GALM: variants seen among roughly 807,000 people sequenced by gnomAD.
GALM encodes aldose 1-epimerase.
In GALM, 43 loss-of-function variants were observed where a neutral mutation model predicts 37.4. The ratio of observed to expected loss-of-function variants is 1.15; its 90% CI spans 0.90 to 1.48. GALM has a LOEUF of 1.48. Ranked by LOEUF, GALM falls within the 40% of genes most tolerant of loss-of-function variation. GALM has a pLI of 0.00. For synonymous variants in GALM, 199 were observed against 170.6 expected (o/e 1.17, Z -1.30); for missense variants, 456 against 419.1 (o/e 1.09, Z -0.77).
chr2:38,733,409 C>T, intron 6 of GALM, 79 bp from the exon 7 acceptor site: 1 of 1,169,110 alleles, frequency 8.6e-7, no homozygotes, highest in Admixed American at 1.7e-5. Flanking sequence ...GGTCTAGAAG[C>T]CCGTCCAGAA....
At chr2:38,728,946 C>A (rs898655971) in intron 4 of GALM, among the ~76,000 whole-genome samples, 1 of 152,148 alleles carries the variant, frequency 6.6e-6, no homozygotes, top group African/African-American at 2.4e-5. Context: ...CTGCTCAGAA[C>A]CTGTACTTGA....
chr2:38,717,306 AGTGTGTGTGTGTGTGTGT>A (rs56902027), intron 4 of GALM, among the ~76,000 whole-genome samples: 2 of 143,652 alleles, frequency 1.4e-5, no homozygotes, highest in South Asian at 4.5e-4. Context: ...GTATTAAGGG[AGTGTGTGTGTGTGTGTGT>A]GTGTGTGTGT....
At chr2:38,688,469 C>A (rs1165829750) in intron 3 of GALM, among the ~76,000 whole-genome samples, 1 of 151,884 alleles carries the variant, frequency 6.6e-6, no homozygotes, top group Non-Finnish European at 1.5e-5. Context: ...CGAGATCGCG[C>A]CATTGCATTC....
At chr2:38,725,823 T>C (rs1299469989) in intron 4 of GALM, among the ~76,000 whole-genome samples, 1 of 152,086 alleles carries the variant, frequency 6.6e-6, no homozygotes, top group African/African-American at 2.4e-5. Flanking sequence ...GCGATTCTTG[T>C]GCCTCAGTCT....
At chr2:38,730,696 A>G (rs1666589783) in intron 5 of GALM, among the ~76,000 whole-genome samples, 1 of 151,968 alleles carries the variant, frequency 6.6e-6, no homozygotes, top group Admixed American at 6.6e-5. Flanking sequence ...TGAGGTGGGC[A>G]GATCACTTGA....
chr2:38,712,630 G>A (rs2148449852), intron 4 of GALM, among the ~76,000 whole-genome samples: 1 of 152,294 alleles, frequency 6.6e-6, no homozygotes, highest in Non-Finnish European at 1.5e-5. Flanking sequence ...CTAGGAGACT[G>A]TCCCTGGGCT....
intron 4 of GALM, among the ~76,000 whole-genome samples, chr2:38,725,710 T>TTTTG (rs1666472851): frequency 6.6e-6 from 1 of 152,104 alleles, no homozygotes; most frequent in African/African-American, 2.4e-5. Context: ...TCTTTTCTTT[T>TTTTG]TTTTGTTTTG....
chr2:38,711,158 T>G (rs991080723), intron 4 of GALM, among the ~76,000 whole-genome samples: 12 of 141,648 alleles, frequency 8.5e-5, no homozygotes, highest in African/African-American at 3.0e-4. Context: ...TCATTACAGA[T>G]AGCCTTTTTT....
chr2:38,686,699 G>T (rs373124226), intron 3 of GALM, among the ~76,000 whole-genome samples: 3 of 152,272 alleles, frequency 2.0e-5, no homozygotes, highest in African/African-American at 7.2e-5. Context: ...CAATACAAAG[G>T]AATATAACAT....
chr2:38,714,375 C>T (rs554823405), intron 4 of GALM, among the ~76,000 whole-genome samples: 4 of 152,100 alleles, frequency 2.6e-5, no homozygotes, highest in Admixed American at 6.6e-5. Context: ...CCACCACACT[C>T]GGCTAATTTT....
intron 4 of GALM, among the ~76,000 whole-genome samples, chr2:38,702,253 T>G (rs1354805699): frequency 6.6e-6 from 1 of 152,160 alleles, no homozygotes. Flanking sequence ...AATCTTACTT[T>G]GATAATCTCC....
At chr2:38,722,856 G>A (rs1328700492) in intron 4 of GALM, among the ~76,000 whole-genome samples, 1 of 152,220 alleles carries the variant, frequency 6.6e-6, no homozygotes, top group Non-Finnish European at 1.5e-5. Flanking sequence ...AGAGGGAGGT[G>A]GAAAGTGCCT....
intron 4 of GALM, among the ~76,000 whole-genome samples, chr2:38,701,422 G>C (rs1417866684): frequency 6.6e-6 from 1 of 152,018 alleles, no homozygotes; most frequent in African/African-American, 2.4e-5. Context: ...GCTTTGACTA[G>C]GTCTTTTGCC....
chr2:38,732,132 C>T (rs929537038), intron 6 of GALM, among the ~76,000 whole-genome samples: 2 of 152,198 alleles, frequency 1.3e-5, no homozygotes, highest in Non-Finnish European at 2.9e-5. Context: ...TCTCAGCTCA[C>T]TGCAACCTCC....
At chr2:38,667,640 T>C (rs935800207) in intron 1 of GALM, among the ~76,000 whole-genome samples, 2 of 150,696 alleles carry the variant, frequency 1.3e-5, no homozygotes, top group African/African-American at 4.9e-5. Context: ...AACACCACCA[T>C]GCCCGGCTAA....
intron 1 of GALM, chr2:38,669,026 A>C (rs932141524): frequency 1.4e-5 from 2 of 147,246 alleles, no homozygotes; most frequent in Non-Finnish European, 2.9e-5. Context: ...AGAATGGTTC[A>C]GTTTCTCCCT....
chr2:38,688,225 A>T (rs114597976), intron 3 of GALM, among the ~76,000 whole-genome samples: 4,175 of 143,600 alleles, frequency 0.029, 176 homozygotes, highest in African/African-American at 0.1. Context: ...AAAAAAAAAA[A>T]TGTGTACTGG....
chr2:38,705,060 T>C (rs1406627717), intron 4 of GALM, among the ~76,000 whole-genome samples: 1 of 152,198 alleles, frequency 6.6e-6, no homozygotes. Context: ...GGCCAGGCGA[T>C]GTGTAATTCC....
intron 4 of GALM, among the ~76,000 whole-genome samples, chr2:38,691,236 C>T (rs1336140965): frequency 6.6e-6 from 1 of 152,166 alleles, no homozygotes; most frequent in Non-Finnish European, 1.5e-5. Flanking sequence ...TCTTCTCATG[C>T]TATCCGGTTG....
Sources: gnomAD v4.1 joint callset for allele counts (sites outside exome capture counted in the v4.1 genomes callset) on GRCh38, gnomAD v4.1.1 for gene constraint, MANE v1.5 for transcripts, NCBI Gene and HGNC (gene_info 2026-07-23, HGNC 2026-07-21) for gene names.